Variants in DUSP16 observed in about 807,000 individuals in gnomAD.
DUSP16 encodes dual specificity protein phosphatase 16.
In DUSP16, 21 loss-of-function variants were observed where a neutral mutation model predicts 58.3. The observed-to-expected ratio is 0.36, with a 90% CI of 0.26 to 0.52. The LOEUF (loss-of-function observed/expected upper bound fraction) is 0.52. Among genes scored for constraint, DUSP16 ranks in the 20% least tolerant of loss-of-function variants. The pLI is 0.94. For synonymous variants in DUSP16, 320 were observed against 323.8 expected (o/e 0.99, Z 0.12); for missense variants, 726 against 819.0 (o/e 0.89, Z 1.39).
At chr12:12,519,067 C>T (rs1944192946) in intron 3 of DUSP16, among the ~76,000 whole-genome samples, 1 of 152,234 alleles carries the variant, frequency 6.6e-6, no homozygotes, top group Non-Finnish European at 1.5e-5. Flanking sequence ...GTTAAGGTTA[C>T]TGTGTGTTGT....
chr12:12,481,958 T>C (rs1943576515), intron 5 of DUSP16, among the ~76,000 whole-genome samples: 3 of 152,246 alleles, frequency 2.0e-5, no homozygotes, highest in African/African-American at 7.2e-5. Context: ...TGTCAGTTAC[T>C]GTACATTTCC....
At chr12:12,558,293 CCT>C (rs1192531218) in intron 1 of DUSP16, among the ~76,000 whole-genome samples, 10 of 152,142 alleles carry the variant, frequency 6.6e-5, no homozygotes, top group South Asian at 2.1e-4. Flanking sequence ...ACAGCGAATC[CCT>C]CTTTTTATTT....
chr12:12,542,593 T>C (rs371550488), intron 1 of DUSP16, among the ~76,000 whole-genome samples: 1 of 152,082 alleles, frequency 6.6e-6, no homozygotes, highest in Non-Finnish European at 1.5e-5. Context: ...AACCACTGCA[T>C]TGCACACCTT....
chr12:12,473,414 C>T lies in DUSP16; in HGVS notation c.*3419G>A, dbSNP rs1943354143. Among the ~76,000 whole-genome samples, 1 of 152,224 alleles carries T rather than the reference C, an allele frequency of 6.6e-6. No homozygotes were observed. The highest frequency in any genetic ancestry group is 2.4e-5 in the African/African-American group (1 of 41,466). The stretch of plus-strand genomic sequence containing the variant: ...GAACTTCAGGCTCTCCCAAGATCTG[C>T]ATCTTCTCATTGGAAGCCTCTCACT... On this transcript the variant is annotated 3_prime_UTR_variant, in exon 7 of 7. Transcript: ENST00000298573.
chr12:12,500,217 T>C lies in DUSP16; in HGVS notation c.531+302A>G, dbSNP rs545665705. Among the ~76,000 whole-genome samples the C allele has an allele frequency of 1.7e-4, 26 of 152,278 alleles. No individual in the cohort carries two copies. The South Asian group carries it at 5.2e-3, about 30-fold the overall frequency. ...ACAGCCTGAGAGTGCCCAATTATAA[T>C]AGATCAATTAATACCCTAAGAATAT... On this transcript the variant is annotated intron_variant, in intron 4 of 6. Coordinates refer to ENST00000298573, the MANE Select transcript of DUSP16 (RefSeq NM_030640.3).
At chr12:12,534,314 A>G (rs987746327) in intron 1 of DUSP16, among the ~76,000 whole-genome samples, 2 of 152,228 alleles carry the variant, frequency 1.3e-5, no homozygotes, top group African/African-American at 4.8e-5. Context: ...AGTTAATGAT[A>G]TCAGGAAGCT....
intron 6 of DUSP16, 77 bp from the exon 7 acceptor site, chr12:12,478,092 G>T: frequency 2.4e-6 from 3 of 1,261,754 alleles, no homozygotes; most frequent in Non-Finnish European, 3.3e-6. Context: ...GAATAAATGA[G>T]ATAGGGAATT....
At chr12:12,511,477 T>C (rs762184544) in intron 3 of DUSP16, among the ~76,000 whole-genome samples, 4 of 152,172 alleles carry the variant, frequency 2.6e-5, no homozygotes, top group African/African-American at 9.7e-5. Context: ...TCCAAATCTA[T>C]GTTCATTCCT....
chr12:12,547,017 G>C lies in DUSP16; in HGVS notation c.-366+15100C>G, dbSNP rs558945480. The stretch of plus-strand genomic sequence containing the variant: ...TATCATTGTCCATATGAGAGCCATG[G>C]ACAACAAATAAATCAGTTTAGAAAT... On this transcript the variant is annotated intron_variant, in intron 1 of 6. Transcript: ENST00000298573. Among the ~76,000 whole-genome samples the C allele has an allele frequency of 2.8e-4, 43 of 152,204 alleles. No homozygotes were observed. In the South Asian group the frequency reaches 5.2e-3, roughly 18 times the overall value.
intron 1 of DUSP16, among the ~76,000 whole-genome samples, chr12:12,537,465 A>T (rs1944484551): frequency 1.3e-5 from 2 of 152,248 alleles, no homozygotes; most frequent in Non-Finnish European, 2.9e-5. Context: ...CTTCAGTATC[A>T]AAGAACACAT....
chr12:12,478,472 A>G (rs908812219), intron 6 of DUSP16, among the ~76,000 whole-genome samples: 1 of 152,098 alleles, frequency 6.6e-6, no homozygotes, highest in Admixed American at 6.6e-5. Flanking sequence ...AGCTGGGATT[A>G]CAGGACTACA....
rs1203822075 is a variant in DUSP16, at chr12:12,562,108, G to T, written c.-366+9C>A. 1 of 151,378 alleles carries T rather than the reference G, an allele frequency of 6.6e-6. No homozygotes were observed. Among genetic ancestry groups the T allele is most frequent in the Admixed American group, 6.6e-5 (1 of 15,208 alleles). 9.4% of individuals were successfully genotyped at this position (151,378 alleles called of 1,614,324 possible). A position where few individuals can be genotyped will look rare whatever the true frequency, so the allele number is the denominator to read the frequency against. On this transcript the variant is annotated intron_variant, in intron 1 of 6. Transcript: ENST00000298573. The stretch of plus-strand genomic sequence containing the variant: ...CGCACACCCCGCGCGGCCCGCCAAG[G>T]CCACTTACTTTTGGGGCCGCCGACC...
At chr12:12,548,468 C>T (rs749455079) in intron 1 of DUSP16, among the ~76,000 whole-genome samples, 7 of 151,710 alleles carry the variant, frequency 4.6e-5, no homozygotes, top group Non-Finnish European at 8.8e-5. Flanking sequence ...CCCATCTCTA[C>T]TAAATATACA....
intron 3 of DUSP16, among the ~76,000 whole-genome samples, chr12:12,516,708 T>C (rs1944160252): frequency 6.6e-6 from 1 of 152,240 alleles, no homozygotes; most frequent in Non-Finnish European, 1.5e-5. Flanking sequence ...ATCACCTATT[T>C]TGAAACAATC....
intron 6 of DUSP16, among the ~76,000 whole-genome samples, chr12:12,479,749 G>A (rs1943526694): frequency 6.6e-6 from 1 of 152,174 alleles, no homozygotes; most frequent in African/African-American, 2.4e-5. Flanking sequence ...ACTCTAGAAT[G>A]TAGGAAATTT....
chr12:12,481,183 A>G (rs1459239976), intron 5 of DUSP16, among the ~76,000 whole-genome samples: 1 of 152,208 alleles, frequency 6.6e-6, no homozygotes, highest in Non-Finnish European at 1.5e-5. Flanking sequence ...TTATTGTCTT[A>G]TGGCATTATC....
Position 12,489,041 on chromosome 12 carries a change from T to C in DUSP16, c.532-1854A>G, listed in dbSNP as rs563040604. Among the ~76,000 whole-genome samples, 59 of 152,252 alleles carry C rather than the reference T, an allele frequency of 3.9e-4. 1 individual carries two copies. The highest frequency in any genetic ancestry group is 3.4e-4 in the Non-Finnish European group (23 of 68,016). On this transcript the variant is annotated intron_variant, in intron 4 of 6. Transcript: ENST00000298573. ...GTTGTGGTGAGCTGAGATCGCGCCA[T>C]TGCACTCCAGCCTGGGCAACAAGAG...
chr12:12,532,439 A>G (rs1013751215), intron 1 of DUSP16, among the ~76,000 whole-genome samples: 19 of 152,238 alleles, frequency 1.2e-4, no homozygotes, highest in Non-Finnish European at 2.1e-4. Flanking sequence ...AAACACCCAC[A>G]GGCATACAAA....
At chr12:12,488,464 G>C (rs1026931919) in intron 4 of DUSP16, among the ~76,000 whole-genome samples, 14 of 152,282 alleles carry the variant, frequency 9.2e-5, no homozygotes, top group Non-Finnish European at 1.5e-4. Flanking sequence ...CTTCAGCCCA[G>C]CTATAGAATT....
Sources: allele counts gnomAD v4.1 joint callset (sites outside exome capture counted in the v4.1 genomes callset), GRCh38; gene constraint gnomAD v4.1.1; transcripts MANE v1.5; gene names NCBI Gene and HGNC (gene_info 2026-07-23, HGNC 2026-07-21).